The following PEAK1 variants were observed in gnomAD, a reference collection of about 807,000 sequenced individuals.
PEAK1 encodes the protein inactive tyrosine-protein kinase PEAK1.
In PEAK1, 54 loss-of-function variants were observed where a neutral mutation model predicts 124.7. The observed-to-expected ratio is 0.43, with a 90% CI of 0.35 to 0.54. The LOEUF is 0.54. Among genes scored for constraint, PEAK1 ranks in the 20% least tolerant of loss-of-function variants. PEAK1 has a pLI of 0.01. For missense variants in PEAK1, 2,046 were observed against 2,134.5 expected, an observed-to-expected ratio of 0.96 and a Z score of 0.82; for synonymous variants, 719 against 760.0, an observed-to-expected ratio of 0.95 and a Z score of 0.89.
intron 2 of PEAK1, among the ~76,000 whole-genome samples, chr15:77,297,469 C>T (rs2063542925): frequency 6.6e-6 from 1 of 151,744 alleles, no homozygotes; most frequent in Non-Finnish European, 1.5e-5. Context: ...TCAATCACCT[C>T]ATCAATAGTA....
intron 9 of PEAK1, among the ~76,000 whole-genome samples, chr15:77,129,262 G>A (rs1303976984): frequency 6.6e-6 from 1 of 152,114 alleles, no homozygotes; most frequent in Non-Finnish European, 1.5e-5. Flanking sequence ...GAATTTTTTA[G>A]CCTCCAGAAA....
chr15:77,121,244 A>T (rs1490823148), intron 9 of PEAK1, among the ~76,000 whole-genome samples: 1 of 151,718 alleles, frequency 6.6e-6, no homozygotes, highest in East Asian at 1.9e-4. Context: ...CTCCTCTGAC[A>T]TTTTTTTGTC....
chr15:77,340,963 T>C (rs1468064822), intron 2 of PEAK1, among the ~76,000 whole-genome samples: 1 of 152,066 alleles, frequency 6.6e-6, no homozygotes. Flanking sequence ...GCTTTTTTTT[T>C]TTTTTTAATA....
chr15:77,412,844 T>A (rs555397849), intron 1 of PEAK1, among the ~76,000 whole-genome samples: 1 of 151,800 alleles, frequency 6.6e-6, no homozygotes. Flanking sequence ...GAAGTGTGCA[T>A]GTACATACGC....
At chr15:77,208,818 G>T (rs2058777582) in intron 6 of PEAK1, among the ~76,000 whole-genome samples, 1 of 152,116 alleles carries the variant, frequency 6.6e-6, no homozygotes, top group South Asian at 2.1e-4. Flanking sequence ...CTAACTCACT[G>T]GTGAAAAACT....
chr15:77,183,833 G>T (rs924682293), intron 6 of PEAK1, among the ~76,000 whole-genome samples: 4 of 151,910 alleles, frequency 2.6e-5, no homozygotes, highest in Admixed American at 1.3e-4. Flanking sequence ...TATGATTTTT[G>T]ATCTTTTTTT....
intron 9 of PEAK1, among the ~76,000 whole-genome samples, chr15:77,127,292 T>G (rs895075606): frequency 6.6e-6 from 1 of 152,198 alleles, no homozygotes; most frequent in Non-Finnish European, 1.5e-5. Flanking sequence ...GAAAATAAAT[T>G]TATCCTTTTC....
At chr15:77,290,601 G>C (rs2063163652) in intron 2 of PEAK1, among the ~76,000 whole-genome samples, 1 of 151,462 alleles carries the variant, frequency 6.6e-6, no homozygotes, top group Admixed American at 6.6e-5. Context: ...GCAGACTGGA[G>C]GGCAGTGGCG....
At chr15:77,288,863 A>C (rs570425874) in intron 2 of PEAK1, among the ~76,000 whole-genome samples, 153 of 149,518 alleles carry the variant, frequency 1.0e-3, no homozygotes, top group Admixed American at 2.5e-3. Flanking sequence ...CAGGAGGCGG[A>C]GCTTGCAGTG....
chr15:77,254,172 T>C (rs750208873), intron 5 of PEAK1, among the ~76,000 whole-genome samples: 1 of 152,146 alleles, frequency 6.6e-6, no homozygotes, highest in Non-Finnish European at 1.5e-5. Context: ...TGATTTTCTT[T>C]GCATTTATTC....
At chr15:77,336,092 A>C (rs2066181684) in intron 2 of PEAK1, 15 of 985,398 alleles carry the variant, frequency 1.5e-5, no homozygotes, top group Non-Finnish European at 1.8e-5. Flanking sequence ...ATGAAAGACT[A>C]AACAGTGAGT....
chr15:77,271,126 G>A lies in PEAK1; in HGVS notation c.-275+12757C>T, dbSNP rs988492814. ...CCATCAAAAAGTGGGCGAAGGACAT[G>A]AACAGACACTTCTCAAAAGAAGATA... is the stretch of plus-strand genomic sequence containing the variant. On this transcript the variant is annotated intron_variant, in intron 5 of 9. Transcript: ENST00000682557. Among the ~76,000 whole-genome samples, 5 of 152,282 alleles carry A rather than the reference G, an allele frequency of 3.3e-5. No homozygotes were observed. In the East Asian group the frequency reaches 9.6e-4, roughly 29 times the overall value.
At chr15:77,170,190 T>C (rs560309621) in intron 7 of PEAK1, among the ~76,000 whole-genome samples, 1 of 152,112 alleles carries the variant, frequency 6.6e-6, no homozygotes, top group Non-Finnish European at 1.5e-5. Context: ...TGGTTATAAA[T>C]TGATAACTGT....
chr15:77,119,022 CTG>C (rs2051652486), intron 9 of PEAK1, among the ~76,000 whole-genome samples: 1 of 152,264 alleles, frequency 6.6e-6, no homozygotes, highest in Non-Finnish European at 1.5e-5. Context: ...TACTTATAAA[CTG>C]TGCAGCAGGA....
intron 2 of PEAK1, among the ~76,000 whole-genome samples, chr15:77,343,482 C>CTTTT (rs60121928): frequency 6.1e-5 from 6 of 97,960 alleles, no homozygotes; most frequent in African/African-American, 1.2e-4. Flanking sequence ...GTCCAACTTA[C>CTTTT]TTTTTTTTTT....
chr15:77,115,957 C>T (rs2051332250), intron 9 of PEAK1, among the ~76,000 whole-genome samples: 2 of 152,104 alleles, frequency 1.3e-5, no homozygotes, highest in African/African-American at 4.8e-5. Context: ...CTGACCTAGT[C>T]AGAACAAAGC....
chr15:77,127,633 T>C (rs112436007), intron 9 of PEAK1, among the ~76,000 whole-genome samples: 7 of 152,268 alleles, frequency 4.6e-5, no homozygotes, highest in Admixed American at 3.9e-4. Context: ...AGAGATGCAA[T>C]TGAGATTTCT....
chr15:77,224,197 T>G (rs1289212862), intron 6 of PEAK1, among the ~76,000 whole-genome samples: 2 of 151,834 alleles, frequency 1.3e-5, no homozygotes, highest in African/African-American at 4.8e-5. Flanking sequence ...AAGACTGAGA[T>G]ATTTTCTGGT....
At chr15:77,401,658 G>A (rs1213867496) in intron 1 of PEAK1, 7 of 984,886 alleles carry the variant, frequency 7.1e-6, no homozygotes, top group African/African-American at 1.7e-5. Flanking sequence ...AACTTCAATG[G>A]ACATTGCCAC....
Sources: allele counts gnomAD v4.1 joint callset (sites outside exome capture counted in the v4.1 genomes callset), GRCh38; gene constraint gnomAD v4.1.1; transcripts MANE v1.5; gene names NCBI Gene and HGNC (gene_info 2026-07-23, HGNC 2026-07-21).